RNF145: variants seen among roughly 807,000 people sequenced by gnomAD.
RNF145 encodes the protein ring finger protein 145.
Under a neutral mutation model 57.3 loss-of-function variants are expected in RNF145, and 12 were observed. The observed-to-expected ratio is 0.21, with a 90% confidence interval of 0.13 to 0.34. The LOEUF (loss-of-function observed/expected upper bound fraction) is 0.34. Among genes scored for constraint, RNF145 ranks in the 10% least tolerant of loss-of-function variants. The pLI is 1.00. For synonymous variants in RNF145, 262 were observed against 288.3 expected, an observed-to-expected ratio of 0.91 and a Z score of 0.92; for missense variants, 429 against 799.0, an observed-to-expected ratio of 0.54 and a Z score of 5.58.
rs1275985009 is a variant in RNF145 at position 159,169,025 on chromosome 5, G to C, written c.969C>G (p.Ile323Met). ...RGMTEGVTLL[I>M]LAVQTGLIEL... ...CTATCAGCCCAGTCTGCACTGCCAG[G>C]ATTAACAGCGTTACTCCTTCTGTCA... Residue 323 changes from isoleucine (I) to methionine (M), a missense_variant, in exon 8 of 11, where the codon ATC becomes ATG. Around this residue, in one of 4 missense-constraint regions of RNF145, gnomAD observed 216 missense variants for 457.6 expected, o/e 0.47. Coordinates refer to ENST00000424310, the MANE Select transcript of RNF145 (RefSeq NM_001199383.2). 2.5e-6 allele frequency: 4 copies of C among 1,587,434 alleles called. No homozygotes were observed. The Admixed American group carries it at 7.6e-5, about 30-fold the overall frequency.
chr5:159,202,959 T>A (rs75723419), intron 2 of RNF145, among the ~76,000 whole-genome samples: 1 of 152,130 alleles, frequency 6.6e-6, no homozygotes, highest in Non-Finnish European at 1.5e-5. Flanking sequence ...GGATTTTTTT[T>A]ATGGAACAAA....
intron 4 of RNF145, among the ~76,000 whole-genome samples, chr5:159,180,567 C>T (rs1784858037): frequency 6.6e-6 from 1 of 152,000 alleles, no homozygotes; most frequent in African/African-American, 2.4e-5. Flanking sequence ...TATTGCTAGT[C>T]CTTTATATCA....
intron 4 of RNF145, among the ~76,000 whole-genome samples, chr5:159,180,245 G>A (rs375266569): frequency 3.9e-5 from 6 of 151,992 alleles, no homozygotes; most frequent in South Asian, 2.1e-4. Context: ...TTCTGAAACC[G>A]TTCCTATCAC....
intron 4 of RNF145, among the ~76,000 whole-genome samples, chr5:159,180,023 T>C (rs1032683971): frequency 6.6e-6 from 1 of 152,044 alleles, no homozygotes; most frequent in Non-Finnish European, 1.5e-5. Context: ...GTGGGGAGGT[T>C]GTGGCTGGCT....
At chr5:159,204,803 C>CAAAAAAAAAAAAA in intron 1 of RNF145, among the ~76,000 whole-genome samples, 1 of 47,050 alleles carries the variant, frequency 2.1e-5, no homozygotes, top group Non-Finnish European at 4.6e-5. Flanking sequence ...GACTCCGTCT[C>CAAAAAAAAAAAAA]AAAAAAAAAA....
At chr5:159,189,961 G>A (rs1785231271) in intron 3 of RNF145, among the ~76,000 whole-genome samples, 1 of 152,144 alleles carries the variant, frequency 6.6e-6, no homozygotes, top group South Asian at 2.1e-4. Context: ...GTTTCTTTCT[G>A]GGGTGATGAA....
chr5:159,162,459 G>A (rs1784254193), intron 9 of RNF145, among the ~76,000 whole-genome samples: 2 of 137,582 alleles, frequency 1.5e-5, no homozygotes, highest in East Asian at 2.0e-4. Context: ...ACGGAGTCTC[G>A]CTCTGTCGCC....
rs368479980 is a variant in RNF145, at chr5:159,168,875, G to A, written c.1119C>T (p.Asp373=). 2 of 1,535,434 alleles carry A rather than the reference G, an allele frequency of 1.3e-6. No individual in the cohort carries two copies. Among genetic ancestry groups the A allele is most frequent in the Non-Finnish European group, 8.7e-7 (1 of 1,145,710 alleles). ...AAGAATATTAAGAGGTTTCTTACTTGTCTCTAGATGCTCCCAGTGCCAAAA... is the reference window on the plus strand; with the variant it reads ...AAGAATATTAAGAGGTTTCTTACTTATCTCTAGATGCTCCCAGTGCCAAAA... ...PIVLALGASR[D]KSLWKHFRAV... Residue 373 remains aspartate (D), a splice_region_variant and synonymous_variant, in exon 8 of 11, where the codon GAC becomes GAT. Coordinates refer to ENST00000424310, the MANE Select transcript of RNF145 (RefSeq NM_001199383.2).
chr5:159,182,022 G>A lies in RNF145; in HGVS notation c.323C>T (p.Ala108Val), dbSNP rs866615968. The A allele has an allele frequency of 1.9e-6, 3 of 1,607,902 alleles. No individual in the cohort carries two copies. In the East Asian group the frequency reaches 6.7e-5, roughly 36 times the overall value. Residue 108 changes from alanine (A) to valine (V), a missense_variant, in exon 4 of 11, where the codon GCC (alanine) becomes GTC (valine). By Grantham distance (64) the Ala-to-Val change is moderately conservative. Coordinates refer to ENST00000424310, the MANE Select transcript of RNF145 (RefSeq NM_001199383.2). The stretch of plus-strand genomic sequence containing the variant: ...TTCTAAATACATTGGTCCCTCATAG[G>A]CAAACTCCAGTTCACTCCGAACATA... ...RDYVRSELEF[A>V]YEGPMYLEPL...
intron 10 of RNF145, 82 bp from the exon 11 acceptor site, chr5:159,159,117 C>T: frequency 1.6e-6 from 2 of 1,271,728 alleles, no homozygotes; most frequent in South Asian, 1.4e-5. Flanking sequence ...CTGGTTCTAA[C>T]ATCTCTTTCC....
intron 1 of RNF145, among the ~76,000 whole-genome samples, chr5:159,207,204 G>A (rs764093874): frequency 2.0e-5 from 3 of 152,118 alleles, no homozygotes; most frequent in Non-Finnish European, 2.9e-5. Context: ...TTTTAGTTTT[G>A]AATATGAAGA....
chr5:159,171,393 G>C (rs1230374899), intron 6 of RNF145, among the ~76,000 whole-genome samples: 1 of 151,722 alleles, frequency 6.6e-6, no homozygotes, highest in Non-Finnish European at 1.5e-5. Context: ...TCCATATTTA[G>C]AAACATTTTT....
At chr5:159,169,579 C>A in intron 7 of RNF145, 100 bp downstream of exon 7, 9 of 1,013,064 alleles carry the variant, frequency 8.9e-6, no homozygotes, top group Non-Finnish European at 1.3e-5. Flanking sequence ...CTCTCCAATT[C>A]CATTTCTTCT....
chr5:159,170,251 AC>A (rs1271976653), intron 6 of RNF145, among the ~76,000 whole-genome samples: 1 of 152,180 alleles, frequency 6.6e-6, no homozygotes, highest in Non-Finnish European at 1.5e-5. Context: ...TCCTTATTTG[AC>A]CAAACTGCTA....
rs1186716535 is a variant in RNF145 at position 159,168,890 on chromosome 5, C to T, written c.1104G>A (p.Leu368=). 1 of 1,561,488 alleles carries T rather than the reference C, an allele frequency of 6.4e-7. No individual in the cohort carries two copies. Among genetic ancestry groups the T allele is most frequent in the Non-Finnish European group, 8.6e-7 (1 of 1,159,682 alleles). Residue 368 remains leucine, a synonymous_variant, in exon 8 of 11, where the codon CTG becomes CTA. Transcript: ENST00000424310. ...TTTCTTACTTGTCTCTAGATGCTCC[C>T]AGTGCCAAAACAATAGGATCTGCAA... ...LEIADPIVLA[L]GASRDKSLWK...
upstream of RNF145, chr5:159,209,890 C>G (rs1463923339): frequency 3.3e-6 from 5 of 1,535,898 alleles, no homozygotes; most frequent in Non-Finnish European, 4.4e-6. Flanking sequence ...AGGGCTGATC[C>G]TGTCCCGGTG....
At chr5:159,208,268 A>C (rs1202964397) in intron 1 of RNF145, 5 of 633,266 alleles carry the variant, frequency 7.9e-6, no homozygotes, top group African/African-American at 3.8e-5. Context: ...TTCAGCAAAA[A>C]CTCTTCCAGG....
At chr5:159,176,926 C>A in intron 4 of RNF145, 59 bp from the exon 5 acceptor site, 5 of 1,020,192 alleles carry the variant, frequency 4.9e-6, no homozygotes, top group Admixed American at 5.0e-5. Context: ...AAAATAAAAA[C>A]AAACAAAAAA....
chr5:159,186,701 A>G (rs762919950), intron 3 of RNF145, among the ~76,000 whole-genome samples: 3 of 152,168 alleles, frequency 2.0e-5, no homozygotes, highest in South Asian at 2.1e-4. Context: ...GTTTATTTAA[A>G]CTGTTGACAC....
Sources: allele counts gnomAD v4.1 joint callset (sites outside exome capture counted in the v4.1 genomes callset), GRCh38; gene constraint gnomAD v4.1.1; regional missense constraint gnomAD v4.1.1; transcripts MANE v1.5; gene names NCBI Gene and HGNC (gene_info 2026-07-23, HGNC 2026-07-21).